SLC36A1: variants seen among roughly 807,000 people sequenced by gnomAD.
The protein encoded by SLC36A1 is solute carrier family 36 member 1.
Under a neutral mutation model 47.5 loss-of-function variants are expected in SLC36A1, and 30 were observed. That is an observed-to-expected ratio of 0.63 (90% CI 0.47 to 0.86). The LOEUF is 0.86. Among genes scored for constraint, SLC36A1 ranks in the 40% least tolerant of loss-of-function variants. The pLI is 0.00. For missense variants in SLC36A1, 517 were observed against 606.0 expected (o/e 0.85, Z 1.54); for synonymous variants, 255 against 249.7 (o/e 1.02, Z -0.20).
At chr5:151,504,231 A>G in the SLC36A1 span, 20 of 152,578 alleles carry the variant, frequency 1.3e-4, no homozygotes, top group Admixed American at 1.0e-3. Context: ...TCCCTCTCGC[A>G]TGAAGCAGCA....
At chr5:151,474,986 T>C (rs1757845442) in intron 8 of SLC36A1, among the ~76,000 whole-genome samples, 1 of 152,248 alleles carries the variant, frequency 6.6e-6, no homozygotes, top group Admixed American at 6.5e-5. Context: ...ATGGAACACG[T>C]TGAAGCTCTG....
the SLC36A1 span, chr5:151,512,676 G>C: frequency 5.9e-6 from 8 of 1,362,824 alleles, no homozygotes; most frequent in Non-Finnish European, 8.0e-6. This position sits in a 1 kb window ranked among gnomAD's most constrained non-coding sequence, Gnocchi z 4.1. Flanking sequence ...GAGGCTGCCA[G>C]TTCAAAGAAT....
At chr5:151,510,303 G>T in the SLC36A1 span, 2 of 1,087,716 alleles carry the variant, frequency 1.8e-6, no homozygotes, top group Non-Finnish European at 2.7e-6. Flanking sequence ...TCCCCTCTGT[G>T]CCCAATACCG....
At chr5:151,433,221 CATATATATATATATATATATAT>C (rs1370126169), upstream of SLC36A1, among the ~76,000 whole-genome samples, 213 of 17,358 alleles carry the variant, frequency 0.012, 4 homozygotes, top group African/African-American at 0.026. Context: ...TTCTGAATAA[CATATATATATATATATATATAT>C]ATATATATAT....
the SLC36A1 span, chr5:151,532,047 C>T: frequency 6.4e-7 from 1 of 1,557,668 alleles, no homozygotes; most frequent in Non-Finnish European, 8.7e-7. Flanking sequence ...CCTGCAGCCA[C>T]AGGAGGGGCT....
At chr5:151,554,794 A>T in the SLC36A1 span, 13 of 781,192 alleles carry the variant, frequency 1.7e-5, no homozygotes, top group African/African-American at 2.3e-4. Flanking sequence ...TTTTATTATC[A>T]TAACTTCACC....
Position 151,479,383 on chromosome 5 carries a change from C to G in SLC36A1, c.1053C>G (p.Phe351Leu). The change falls in exon 10 of 11, where the codon TTC (phenylalanine) becomes TTG (leucine). Residue 351 changes from phenylalanine (F) to leucine (L), a missense_variant. By Grantham distance (22) the Phe-to-Leu change is conservative. Transcript: ENST00000243389. The part of the protein sequence containing the change: ...IGIFFTYALQ[F>L]YVPAEIIIPF... ...TCTTTTTCACCTACGCACTCCAGTT[C>G]TACGTCCCGGCTGAGATCATCATCC... 6.2e-7 allele frequency: 1 copy of G among 1,614,232 alleles called. No homozygotes were observed. The highest frequency in any genetic ancestry group is 8.5e-7 in the Non-Finnish European group (1 of 1,180,040).
At chr5:151,538,244 C>T in the SLC36A1 span, among the ~76,000 whole-genome samples, 1 of 152,184 alleles carries the variant, frequency 6.6e-6, no homozygotes, top group Non-Finnish European at 1.5e-5. Flanking sequence ...GTTCTGTCAT[C>T]CAAAAGCCCA....
rs1377686638 is a variant in SLC36A1 at position 151,463,658 on chromosome 5, C to T, written c.234+15C>T. 8 of 1,605,686 alleles carry T rather than the reference C, an allele frequency of 5.0e-6. No individual in the cohort carries two copies. Among genetic ancestry groups the T allele is most frequent in the Non-Finnish European group, 6.8e-6 (8 of 1,172,326 alleles). On this transcript the variant is annotated intron_variant, in intron 3 of 10. Transcript: ENST00000243389. ...CAGGCATCGTGGTAAGGGTCTGCAT[C>T]AGTGGAGAGGAGTGGTGACAAATTT...
chr5:151,485,888 T>G lies in SLC36A1; in HGVS notation c.1160-2095T>G, dbSNP rs1166578929. Among the ~76,000 whole-genome samples, 3 of 152,206 alleles carry G rather than the reference T, an allele frequency of 2.0e-5. No individual in the cohort carries two copies. In the East Asian group the frequency reaches 5.8e-4, roughly 29 times the overall value. Reference sequence around the variant, plus strand: ...GCCTTTGAAATGTGGCTAGTGTGAATGAAGAACAGGATTTAATTTCATTTT... The same window carrying G: ...GCCTTTGAAATGTGGCTAGTGTGAAGGAAGAACAGGATTTAATTTCATTTT... On this transcript the variant is annotated intron_variant, in intron 10 of 10. Coordinates refer to ENST00000243389, the MANE Select transcript of SLC36A1 (RefSeq NM_078483.4).
the SLC36A1 span, among the ~76,000 whole-genome samples, chr5:151,429,810 C>G: frequency 1.3e-5 from 2 of 152,112 alleles, no homozygotes; most frequent in Non-Finnish European, 2.9e-5. Context: ...ACAGCCAATG[C>G]TTGAACACAC....
intron 1 of SLC36A1, among the ~76,000 whole-genome samples, chr5:151,457,340 G>A (rs986904372): frequency 1.3e-5 from 2 of 151,970 alleles, no homozygotes; most frequent in South Asian, 4.1e-4. Context: ...TTTAGCAATG[G>A]TCTCTAGGAT....
chr5:151,466,179 C>T (rs534817228), intron 5 of SLC36A1, among the ~76,000 whole-genome samples: 6 of 152,094 alleles, frequency 3.9e-5, no homozygotes, highest in South Asian at 2.1e-4. Flanking sequence ...TCCTTTCTTC[C>T]GCCCTCCTTC....
chr5:151,528,052 T>C, the SLC36A1 span: 1 of 1,614,166 alleles, frequency 6.2e-7, no homozygotes, highest in Non-Finnish European at 8.5e-7. Context: ...GGGTGAATGG[T>C]GAAGTGCCCA....
At chr5:151,505,494 C>T in the SLC36A1 span, 1 of 1,586,650 alleles carries the variant, frequency 6.3e-7, no homozygotes, top group Non-Finnish European at 8.6e-7. Flanking sequence ...AACTCACCCC[C>T]TACGAGACAG....
the SLC36A1 span, among the ~76,000 whole-genome samples, chr5:151,417,354 G>A: frequency 6.6e-6 from 1 of 152,192 alleles, no homozygotes; most frequent in Admixed American, 6.5e-5. Flanking sequence ...CCAGGCTGAG[G>A]TGGTCTCAGA....
chr5:151,529,302 A>G, the SLC36A1 span: 6 of 1,613,986 alleles, frequency 3.7e-6, no homozygotes, highest in Non-Finnish European at 5.1e-6. Flanking sequence ...CACGTCACTG[A>G]GGGAAGAGGA....
At chr5:151,545,314 T>G in the SLC36A1 span, 1 of 1,614,088 alleles carries the variant, frequency 6.2e-7, no homozygotes, top group African/African-American at 1.3e-5. Context: ...GATGGTGAGC[T>G]TCCGAGAGAG....
the SLC36A1 span, among the ~76,000 whole-genome samples, chr5:151,415,618 T>C: frequency 6.6e-6 from 1 of 152,184 alleles, no homozygotes; most frequent in Admixed American, 6.5e-5. Context: ...TTATTTTCTG[T>C]CCCTACTACA....
Sources: allele counts gnomAD v4.1 joint callset (sites outside exome capture counted in the v4.1 genomes callset), GRCh38; gene constraint gnomAD v4.1.1; non-coding constraint Gnocchi (gnomAD v3.1); transcripts MANE v1.5; gene names NCBI Gene and HGNC (gene_info 2026-07-23, HGNC 2026-07-21).